Variants in OLA1 observed in about 807,000 individuals in gnomAD.
OLA1 encodes obg-like ATPase 1.
A neutral mutation model predicts 48.4 loss-of-function variants in OLA1; 14 were observed. The observed-to-expected ratio is 0.29, with a 90% CI of 0.19 to 0.45. The LOEUF is 0.45. Among genes scored for constraint, OLA1 ranks in the 20% least tolerant of loss-of-function variants. The pLI is 1.00. For missense variants in OLA1, 325 were observed against 467.1 expected (o/e 0.70, Z 2.80); for synonymous variants, 127 against 150.4 (o/e 0.84, Z 1.14).
At chr2:174,131,453 G>A (rs1686178653) in intron 5 of OLA1, among the ~76,000 whole-genome samples, 1 of 152,040 alleles carries the variant, frequency 6.6e-6, no homozygotes, top group South Asian at 2.1e-4. Context: ...ATTTGTGCAT[G>A]CATTTCTCTT....
intron 4 of OLA1, among the ~76,000 whole-genome samples, chr2:174,169,245 C>G (rs965292543): frequency 6.6e-6 from 1 of 151,726 alleles, no homozygotes; most frequent in Non-Finnish European, 1.5e-5. Flanking sequence ...GCACCCAGCC[C>G]CAACATGCAT....
At chr2:174,243,466 T>A (rs1574577648) in intron 2 of OLA1, among the ~76,000 whole-genome samples, 2 of 152,260 alleles carry the variant, frequency 1.3e-5, no homozygotes, top group East Asian at 3.9e-4. Context: ...TAAATCTACA[T>A]CCAGCCGTCA....
intron 1 of OLA1, among the ~76,000 whole-genome samples, chr2:174,247,483 A>G (rs1689152164): frequency 6.6e-6 from 1 of 152,254 alleles, no homozygotes; most frequent in Non-Finnish European, 1.5e-5. Flanking sequence ...TTATATCTTA[A>G]CCTGATATAT....
intron 4 of OLA1, among the ~76,000 whole-genome samples, chr2:174,152,993 GA>G (rs1486838814): frequency 6.6e-6 from 1 of 152,068 alleles, no homozygotes; most frequent in Non-Finnish European, 1.5e-5. Flanking sequence ...CTCATTACAG[GA>G]AACAGCTCTA....
intron 4 of OLA1, among the ~76,000 whole-genome samples, chr2:174,191,194 T>C (rs1013005336): frequency 2.1e-4 from 32 of 152,160 alleles, no homozygotes; most frequent in Non-Finnish European, 2.6e-4. Context: ...CGTATACATA[T>C]ACGAAAACAT....
chr2:174,077,809 ATCT>A (rs1203761927), intron 10 of OLA1, among the ~76,000 whole-genome samples: 2 of 152,002 alleles, frequency 1.3e-5, no homozygotes, highest in Admixed American at 6.6e-5. Context: ...CCTCATTTTT[ATCT>A]TCCTTATGAA....
chr2:174,242,169 T>C (rs530969327), intron 2 of OLA1, among the ~76,000 whole-genome samples: 1 of 152,274 alleles, frequency 6.6e-6, no homozygotes, highest in South Asian at 2.1e-4. Flanking sequence ...CCAACCTTTT[T>C]GGCACCAGGG....
chr2:174,124,945 A>G (rs1686013913), intron 5 of OLA1, among the ~76,000 whole-genome samples: 1 of 152,196 alleles, frequency 6.6e-6, no homozygotes, highest in South Asian at 2.1e-4. Flanking sequence ...TTAACAAGGA[A>G]GGGGCAAGCT....
chr2:174,117,646 G>A (rs1415427790), intron 7 of OLA1, among the ~76,000 whole-genome samples: 2 of 152,072 alleles, frequency 1.3e-5, no homozygotes, highest in Non-Finnish European at 2.9e-5. Context: ...AGGAAAGAAC[G>A]GTAGAGACAA....
At chr2:174,197,832 G>T (rs758090745) in intron 4 of OLA1, among the ~76,000 whole-genome samples, 4 of 152,196 alleles carry the variant, frequency 2.6e-5, no homozygotes, top group Non-Finnish European at 5.9e-5. Flanking sequence ...CTGGAGTGTA[G>T]GTTTAACATC....
At chr2:174,118,043 G>A (rs1473709152) in intron 7 of OLA1, among the ~76,000 whole-genome samples, 5 of 152,186 alleles carry the variant, frequency 3.3e-5, no homozygotes, top group Admixed American at 1.3e-4. Context: ...TCATGGCAAA[G>A]GTAAACAGGA....
intron 5 of OLA1, among the ~76,000 whole-genome samples, chr2:174,136,786 C>T (rs1310452165): frequency 6.6e-6 from 1 of 151,998 alleles, no homozygotes; most frequent in Non-Finnish European, 1.5e-5. Flanking sequence ...ATTCTCCTGC[C>T]TCAGCCTCTC....
intron 4 of OLA1, 122 bp downstream of exon 4, chr2:174,222,911 C>A: frequency 9.7e-7 from 1 of 1,030,568 alleles, no homozygotes; most frequent in Non-Finnish European, 1.4e-6. Context: ...CAGACAAACC[C>A]AAGATTCATC....
intron 7 of OLA1, among the ~76,000 whole-genome samples, chr2:174,086,409 C>T (rs1212387929): frequency 6.6e-6 from 1 of 152,036 alleles, no homozygotes; most frequent in East Asian, 1.9e-4. Flanking sequence ...CCCCATTTTT[C>T]CGATGGGGAT....
At chr2:174,116,952 A>G (rs552529314) in intron 7 of OLA1, among the ~76,000 whole-genome samples, 12 of 152,324 alleles carry the variant, frequency 7.9e-5, no homozygotes, top group African/African-American at 2.9e-4. Flanking sequence ...TTACATAAAG[A>G]CTGTACATAT....
chr2:174,223,105 G>A lies in OLA1; in HGVS notation c.301C>T (p.His101Tyr). 1.2e-6 allele frequency: 2 copies of A among 1,613,902 alleles called. No individual in the cohort carries two copies. Among genetic ancestry groups the A allele is most frequent in the African/African-American group, 1.3e-5 (1 of 75,036 alleles). Reference sequence around the variant, plus strand: ...GCATTCCCCAGGCCCTGCCCATTGTGAGCTCCTTTCACAAGGCCAGCAATA... The same window carrying A: ...GCATTCCCCAGGCCCTGCCCATTGTAAGCTCCTTTCACAAGGCCAGCAATA... The part of the protein sequence containing the change: ...VDIAGLVKGA[H>Y]NGQGLGNAFL... Residue 101 changes from histidine to tyrosine, a missense_variant, in exon 4 of 11, where the codon CAC becomes TAC. Physicochemically the swap from His to Tyr is moderately conservative, Grantham distance 83. Transcript: ENST00000284719.
At chr2:174,244,484 G>A (rs1187051662) in intron 2 of OLA1, among the ~76,000 whole-genome samples, 1 of 152,066 alleles carries the variant, frequency 6.6e-6, no homozygotes, top group South Asian at 2.1e-4. Flanking sequence ...ATAGCTGCAG[G>A]GGATTGGTTC....
At chr2:174,163,776 A>ATTATAT (rs1687090311) in intron 4 of OLA1, among the ~76,000 whole-genome samples, 2 of 40,940 alleles carry the variant, frequency 4.9e-5, no homozygotes, top group African/African-American at 1.2e-4. Context: ...ATATATATAT[A>ATTATAT]AATAAATGTT....
intron 4 of OLA1, among the ~76,000 whole-genome samples, chr2:174,177,478 G>C (rs1687445954): frequency 6.6e-6 from 1 of 152,186 alleles, no homozygotes; most frequent in East Asian, 1.9e-4. Flanking sequence ...TCTTTCAACA[G>C]GCAATGAAAA....
Sources: gnomAD v4.1 joint callset for allele counts (sites outside exome capture counted in the v4.1 genomes callset) on GRCh38, gnomAD v4.1.1 for gene constraint, MANE v1.5 for transcripts, NCBI Gene and HGNC (gene_info 2026-07-23, HGNC 2026-07-21) for gene names.